The following GRID2 variants were observed in gnomAD, a reference collection of about 807,000 sequenced individuals.
GRID2 encodes the protein glutamate ionotropic receptor delta type subunit 2.
A neutral mutation model predicts 114.8 loss-of-function variants in GRID2; 33 were observed. That is an observed-to-expected ratio of 0.29 (90% CI 0.22 to 0.38). GRID2 has a LOEUF of 0.38. Ranked by LOEUF, GRID2 falls within the 10% of genes least tolerant of loss-of-function variation. The pLI, the probability that GRID2 is intolerant of heterozygous loss-of-function variation, is 1.00. For missense variants in GRID2, 1,184 were observed against 1,257.7 expected (o/e 0.94, Z 0.89); for synonymous variants, 505 against 449.9 (o/e 1.12, Z -1.55).
chr4:92,458,156 T>C (rs1721309088), intron 1 of GRID2, among the ~76,000 whole-genome samples: 1 of 152,158 alleles, frequency 6.6e-6, no homozygotes, highest in Non-Finnish European at 1.5e-5. Flanking sequence ...AATGAAATGT[T>C]TTGTACCTTA....
chr4:93,491,525 A>C (rs541365053), intron 12 of GRID2, among the ~76,000 whole-genome samples: 1 of 151,928 alleles, frequency 6.6e-6, no homozygotes, highest in Non-Finnish European at 1.5e-5. Flanking sequence ...ACACCACAGT[A>C]TAATTTCTGC....
chr4:92,459,312 CAT>C (rs1241377339), intron 1 of GRID2, among the ~76,000 whole-genome samples: 2 of 152,124 alleles, frequency 1.3e-5, no homozygotes, highest in African/African-American at 4.8e-5. Flanking sequence ...CCAAAGTCCA[CAT>C]GATATATCCA....
At chr4:93,107,381 G>A (rs765372305) in intron 3 of GRID2, among the ~76,000 whole-genome samples, 5 of 152,098 alleles carry the variant, frequency 3.3e-5, no homozygotes, top group Admixed American at 3.3e-4. Context: ...TATCTAAGAA[G>A]TGACAACCAG....
At chr4:92,998,854 T>C (rs976393234) in intron 2 of GRID2, among the ~76,000 whole-genome samples, 1 of 151,914 alleles carries the variant, frequency 6.6e-6, no homozygotes, top group Admixed American at 6.6e-5. Flanking sequence ...AATATTCACA[T>C]TAATTGCAAT....
chr4:93,730,490 C>A (rs1236512999), intron 14 of GRID2, among the ~76,000 whole-genome samples: 1 of 152,216 alleles, frequency 6.6e-6, no homozygotes, highest in Non-Finnish European at 1.5e-5. Flanking sequence ...AAGCGACAAT[C>A]AAGCCTTTAA....
chr4:93,540,062 C>G (rs982787803), intron 13 of GRID2, among the ~76,000 whole-genome samples: 1 of 151,758 alleles, frequency 6.6e-6, no homozygotes, highest in Non-Finnish European at 1.5e-5. Context: ...CTGATTGATT[C>G]TTTCTTATTT....
chr4:92,931,601 C>T (rs1750239292), intron 2 of GRID2, among the ~76,000 whole-genome samples: 1 of 150,054 alleles, frequency 6.7e-6, no homozygotes, highest in African/African-American at 2.4e-5. Flanking sequence ...AAAACAACTA[C>T]CCAAGGCTAC....
intron 14 of GRID2, among the ~76,000 whole-genome samples, chr4:93,695,679 A>C (rs1458192860): frequency 6.6e-6 from 1 of 152,186 alleles, no homozygotes; most frequent in Non-Finnish European, 1.5e-5. Flanking sequence ...GTCCTTCAAC[A>C]GACAGTTACT....
chr4:93,695,571 A>T (rs989791805), intron 14 of GRID2, among the ~76,000 whole-genome samples: 1 of 152,240 alleles, frequency 6.6e-6, no homozygotes, highest in Non-Finnish European at 1.5e-5. Context: ...ATCTCCTGCC[A>T]TGCTCTATGG....
intron 10 of GRID2, among the ~76,000 whole-genome samples, chr4:93,426,298 A>T (rs1168393702): frequency 6.6e-6 from 1 of 152,140 alleles, no homozygotes; most frequent in Non-Finnish European, 1.5e-5. Context: ...TTCATCTTCT[A>T]TTCTTTTAAA....
chr4:93,135,033 A>G (rs567461846), intron 4 of GRID2, among the ~76,000 whole-genome samples: 1 of 152,314 alleles, frequency 6.6e-6, no homozygotes, highest in South Asian at 2.1e-4. Flanking sequence ...GTGCAATCAT[A>G]CATTCAAGTG....
intron 14 of GRID2, among the ~76,000 whole-genome samples, chr4:93,635,759 A>G (rs1207630775): frequency 6.6e-6 from 1 of 152,148 alleles, no homozygotes; most frequent in Admixed American, 6.6e-5. Context: ...GAGAATCCAA[A>G]TAATTTACAT....
At chr4:92,949,262 T>G (rs948562687) in intron 2 of GRID2, among the ~76,000 whole-genome samples, 2 of 151,992 alleles carry the variant, frequency 1.3e-5, no homozygotes, top group Non-Finnish European at 2.9e-5. Flanking sequence ...TTATAATTAC[T>G]AAATATCTAT....
chr4:92,515,599 C>G (rs938927572), intron 1 of GRID2, among the ~76,000 whole-genome samples: 11 of 151,782 alleles, frequency 7.2e-5, no homozygotes, highest in Non-Finnish European at 1.6e-4. Flanking sequence ...GTGACTAGTT[C>G]AGAGGCCATC....
chr4:92,828,284 A>G (rs1322150182), intron 2 of GRID2, among the ~76,000 whole-genome samples: 1 of 152,094 alleles, frequency 6.6e-6, no homozygotes, highest in Non-Finnish European at 1.5e-5. Context: ...CAGAATTCAT[A>G]ATGACTTTAT....
intron 2 of GRID2, among the ~76,000 whole-genome samples, chr4:92,760,237 C>CAAAAAAAA (rs982301426): frequency 2.6e-5 from 1 of 38,398 alleles, no homozygotes; most frequent in Non-Finnish European, 5.2e-5. Context: ...GACTCTGTCT[C>CAAAAAAAA]AAAAAAAAAA....
chr4:92,792,973 G>A (rs998909002), intron 2 of GRID2, among the ~76,000 whole-genome samples: 12 of 150,184 alleles, frequency 8.0e-5, no homozygotes, highest in Admixed American at 3.3e-4. Context: ...TAGTATCTTG[G>A]CTTTCCCTTT....
intron 1 of GRID2, among the ~76,000 whole-genome samples, chr4:92,468,275 C>T (rs1026147911): frequency 1.3e-5 from 2 of 151,826 alleles, no homozygotes. Context: ...TTTTTACTAG[C>T]TGAATTTTTC....
chr4:92,727,961 A>G (rs1736142204), intron 2 of GRID2, among the ~76,000 whole-genome samples: 2 of 152,090 alleles, frequency 1.3e-5, no homozygotes, highest in Non-Finnish European at 1.5e-5. Flanking sequence ...AATTAAGCTT[A>G]TGAGCAAAGC....
Sources: gnomAD v4.1 joint callset for allele counts (sites outside exome capture counted in the v4.1 genomes callset) on GRCh38, gnomAD v4.1.1 for gene constraint, MANE v1.5 for transcripts, NCBI Gene and HGNC (gene_info 2026-07-23, HGNC 2026-07-21) for gene names.